The following MAP2K6 variants were observed in gnomAD, a reference collection of about 807,000 sequenced individuals.
MAP2K6 encodes the protein dual specificity mitogen-activated protein kinase kinase 6.
A neutral mutation model predicts 53.7 loss-of-function variants in MAP2K6; 16 were observed. The observed-to-expected ratio is 0.30, with a 90% CI of 0.20 to 0.45. MAP2K6 has a LOEUF of 0.45. MAP2K6 is among the 20% of genes least tolerant of loss of function. The pLI, the probability that MAP2K6 is intolerant of heterozygous loss-of-function variation, is 1.00. For missense variants in MAP2K6, 204 were observed against 411.9 expected (o/e 0.50, Z 4.37); for synonymous variants, 132 against 143.1 (o/e 0.92, Z 0.55).
intron 10 of MAP2K6, 151 bp from the exon 11 acceptor site, chr17:69,535,964 T>A (rs113040288): frequency 1.7e-6 from 1 of 602,230 alleles, no homozygotes; most frequent in Admixed American, 2.9e-5. Flanking sequence ...GATACATAAG[T>A]GTTACAGAAG....
intron 1 of MAP2K6, among the ~76,000 whole-genome samples, chr17:69,468,303 T>C (rs374025817): frequency 5.9e-5 from 9 of 152,314 alleles, no homozygotes; most frequent in African/African-American, 2.2e-4. Context: ...TCAATTAGTT[T>C]TCCTGACTCC....
chr17:69,474,609 T>C lies in MAP2K6; in HGVS notation c.17-31171T>C, dbSNP rs149147267. Among the ~76,000 whole-genome samples, 53 of 152,326 alleles carry C rather than the reference T, an allele frequency of 3.5e-4. 1 individual carries two copies. Among genetic ancestry groups the C allele is most frequent in the African/African-American group, 1.2e-3 (50 of 41,570 alleles). On this transcript the variant is annotated intron_variant, in intron 1 of 11. Coordinates refer to ENST00000590474, the MANE Select transcript of MAP2K6 (RefSeq NM_002758.4). Reference sequence around the variant, plus strand: ...ACTAAGCCTTTTCAGATAGATTAAATGGAACTGTTGAAGAAGCCCTAGAGG... The same window carrying C: ...ACTAAGCCTTTTCAGATAGATTAAACGGAACTGTTGAAGAAGCCCTAGAGG...
In MAP2K6 at chr17:69,544,516, T is replaced by C. The variant is rs548336348; in HGVS notation, c.*2763T>C. The C allele has an allele frequency of 6.6e-6, 1 of 152,248 alleles. No individual in the cohort carries two copies. Among genetic ancestry groups the C allele is most frequent in the African/African-American group, 2.4e-5 (1 of 41,546 alleles). The allele number at this position is 152,248 out of a possible 1,614,324, so 9.4% of individuals were successfully genotyped here. ...TGTTCACGGATGACCCTCAAAATAGTTAATGCCCCACCAGCATAGACCATC... is the reference window on the plus strand; with the variant it reads ...TGTTCACGGATGACCCTCAAAATAGCTAATGCCCCACCAGCATAGACCATC... On this transcript the variant is annotated 3_prime_UTR_variant, in exon 12 of 12. Transcript: ENST00000590474.
intron 7 of MAP2K6, among the ~76,000 whole-genome samples, chr17:69,522,725 A>T (rs762763898): frequency 2.0e-5 from 3 of 151,938 alleles, no homozygotes; most frequent in Non-Finnish European, 2.9e-5. Context: ...ACACTATGTG[A>T]CCTCTGACAC....
At chr17:69,516,795 G>A in intron 2 of MAP2K6, 60 bp from the exon 3 acceptor site, 1 of 1,246,840 alleles carries the variant, frequency 8.0e-7, no homozygotes, top group Non-Finnish European at 1.2e-6. Context: ...TGTGTGATTT[G>A]GGAAGGACAT....
intron 1 of MAP2K6, among the ~76,000 whole-genome samples, chr17:69,454,559 AT>A (rs879315471): frequency 2.5e-3 from 356 of 139,998 alleles, no homozygotes; most frequent in Middle Eastern, 3.7e-3. Flanking sequence ...TAATTTTTGT[AT>A]TTTTTTTTTT....
chr17:69,461,400 C>T (rs962531250), intron 1 of MAP2K6, among the ~76,000 whole-genome samples: 1 of 152,214 alleles, frequency 6.6e-6, no homozygotes, highest in Non-Finnish European at 1.5e-5. Flanking sequence ...GCCCTGTCTT[C>T]ATCCTTTTCT....
chr17:69,535,783 AAAGC>A (rs1387062995), intron 10 of MAP2K6, among the ~76,000 whole-genome samples: 1 of 152,182 alleles, frequency 6.6e-6, no homozygotes, highest in African/African-American at 2.4e-5. Context: ...AAATGGCATT[AAAGC>A]TGCTTTGAAG....
At chr17:69,508,029 GATAT>G (rs1313135495) in intron 2 of MAP2K6, among the ~76,000 whole-genome samples, 1 of 127,048 alleles carries the variant, frequency 7.9e-6, no homozygotes, top group African/African-American at 2.9e-5. Flanking sequence ...GATGTGTAGT[GATAT>G]ATATGTAGTT....
chr17:69,533,014 C>T (rs1482346113), intron 10 of MAP2K6, among the ~76,000 whole-genome samples: 3 of 152,120 alleles, frequency 2.0e-5, no homozygotes, highest in Non-Finnish European at 2.9e-5. Context: ...CTGCAACCTC[C>T]GCCTCCCAGG....
intron 1 of MAP2K6, among the ~76,000 whole-genome samples, chr17:69,476,138 G>A (rs1908142243): frequency 6.6e-6 from 1 of 152,094 alleles, no homozygotes; most frequent in Admixed American, 6.6e-5. Context: ...ATGTGCAGAT[G>A]TATGTATGTG....
intron 1 of MAP2K6, among the ~76,000 whole-genome samples, chr17:69,484,864 G>A (rs1008359627): frequency 6.6e-6 from 1 of 152,096 alleles, no homozygotes; most frequent in Non-Finnish European, 1.5e-5. Context: ...GAAATATCTA[G>A]AATAGGCAAA....
At chr17:69,516,833 T>C (rs1474361704) in intron 2 of MAP2K6, 22 bp from the exon 3 acceptor site, 15 of 1,559,214 alleles carry the variant, frequency 9.6e-6, no homozygotes, top group Middle Eastern at 1.7e-4. Context: ...ATGTTTCTTC[T>C]TTTCCCCCTT....
At chr17:69,488,507 C>G (rs970682866) in intron 1 of MAP2K6, among the ~76,000 whole-genome samples, 6 of 152,198 alleles carry the variant, frequency 3.9e-5, no homozygotes, top group African/African-American at 1.4e-4. Flanking sequence ...GTAGTAAAGA[C>G]ATGGACTCAA....
At chr17:69,449,709 G>T (rs1368676637) in intron 1 of MAP2K6, among the ~76,000 whole-genome samples, 3 of 143,482 alleles carry the variant, frequency 2.1e-5, no homozygotes, top group African/African-American at 7.8e-5. Context: ...GCCCCCTGGG[G>T]TTCACGCCAT....
At chr17:69,530,652 A>G (rs1212830749) in intron 10 of MAP2K6, among the ~76,000 whole-genome samples, 1 of 152,162 alleles carries the variant, frequency 6.6e-6, no homozygotes, top group Non-Finnish European at 1.5e-5. Flanking sequence ...CCTGCCACAA[A>G]CCACCAATAT....
rs149719839 is a variant in MAP2K6 at position 69,450,338 on chromosome 17, A to C, written c.16+35338A>C. On this transcript the variant is annotated intron_variant, in intron 1 of 11. Coordinates refer to ENST00000590474, the MANE Select transcript of MAP2K6 (RefSeq NM_002758.4). ...GTAGTTTGATTTAAAAATGAATCAC[A>C]ATAAAGTACTCGGCTTGACTCTGAG... Among the ~76,000 whole-genome samples, 12 of 152,276 alleles carry C rather than the reference A, an allele frequency of 7.9e-5. No homozygotes were observed. The East Asian group carries it at 2.3e-3, about 29-fold the overall frequency.
intron 1 of MAP2K6, among the ~76,000 whole-genome samples, chr17:69,415,735 T>C (rs772412641): frequency 4.6e-5 from 7 of 152,218 alleles, no homozygotes; most frequent in Non-Finnish European, 8.8e-5. Flanking sequence ...GGGGTAAAAC[T>C]GTACTTTTAA....
At position 69,425,382 on chromosome 17, in the gene MAP2K6, A is replaced by G. The variant is rs1402374639; in HGVS notation, c.16+10382A>G. On this transcript the variant is annotated intron_variant, in intron 1 of 11. Coordinates refer to ENST00000590474, the MANE Select transcript of MAP2K6 (RefSeq NM_002758.4). Reference sequence around the variant, plus strand: ...GGCTGGAGTACAGTGGTGCTATCTCAGCTCACTGCAACCTCCGCCTCCCGG... The same window carrying G: ...GGCTGGAGTACAGTGGTGCTATCTCGGCTCACTGCAACCTCCGCCTCCCGG... Among the ~76,000 whole-genome samples, 8 of 151,616 alleles carry G rather than the reference A, an allele frequency of 5.3e-5. No individual in the cohort carries two copies. In the East Asian group the frequency reaches 1.6e-3, roughly 29 times the overall value.
Sources: gnomAD v4.1 joint callset for allele counts (sites outside exome capture counted in the v4.1 genomes callset) on GRCh38, gnomAD v4.1.1 for gene constraint, MANE v1.5 for transcripts, NCBI Gene and HGNC (gene_info 2026-07-23, HGNC 2026-07-21) for gene names.